The following DYNC1LI1 variants were observed in gnomAD, a reference collection of about 807,000 sequenced individuals.
DYNC1LI1 encodes cytoplasmic dynein 1 light intermediate chain 1.
In DYNC1LI1, 19 loss-of-function variants were observed where a neutral mutation model predicts 63.8. That is an observed-to-expected ratio of 0.30 (90% confidence interval 0.21 to 0.44). DYNC1LI1 has a LOEUF of 0.44. Among genes scored for constraint, DYNC1LI1 ranks in the 20% least tolerant of loss-of-function variants. DYNC1LI1 has a pLI of 1.00. For missense variants in DYNC1LI1, 565 were observed against 630.2 expected, an observed-to-expected ratio of 0.90 and a Z score of 1.11; for synonymous variants, 225 against 232.3, an observed-to-expected ratio of 0.97 and a Z score of 0.28.
chr3:32,557,555 A>T (rs555954920), intron 2 of DYNC1LI1, among the ~76,000 whole-genome samples: 2 of 152,006 alleles, frequency 1.3e-5, no homozygotes, highest in African/African-American at 4.8e-5. Context: ...TAAAATAAAA[A>T]AATAAATAAA....
rs1162881299 is a variant in DYNC1LI1 at position 32,544,867 on chromosome 3, A to C, written c.568+9T>G. 1 of 1,574,230 alleles carries C rather than the reference A, an allele frequency of 6.4e-7. No homozygotes were observed. Among genetic ancestry groups the C allele is most frequent in the Non-Finnish European group, 8.7e-7 (1 of 1,144,568 alleles). ...TTGAAACCTACATTACTGTTTCTAG[A>C]TTACTTACACTTTTGTTCCATTTGT... On this transcript the variant is annotated intron_variant, in intron 4 of 12. Coordinates refer to ENST00000273130, the MANE Select transcript of DYNC1LI1 (RefSeq NM_016141.4).
chr3:32,544,718 G>C (rs576907774), intron 4 of DYNC1LI1, among the ~76,000 whole-genome samples, 158 bp downstream of exon 4: 2 of 151,590 alleles, frequency 1.3e-5, no homozygotes, highest in South Asian at 4.2e-4. Context: ...CTCCAGCCTG[G>C]GTGACAGAAC....
chr3:32,539,499 T>C (rs1461438703), intron 5 of DYNC1LI1, among the ~76,000 whole-genome samples: 1 of 152,014 alleles, frequency 6.6e-6, no homozygotes, highest in Non-Finnish European at 1.5e-5. Flanking sequence ...AACACACACT[T>C]AGGACCAAGT....
chr3:32,527,875 CT>C (rs1387209178), intron 12 of DYNC1LI1, among the ~76,000 whole-genome samples: 1 of 151,414 alleles, frequency 6.6e-6, no homozygotes, highest in Non-Finnish European at 1.5e-5. Context: ...AATCCCAGCA[CT>C]TTGGGAGGCT....
chr3:32,537,963 TATATATATATTTATATATAA>T (rs1697808016), intron 5 of DYNC1LI1, among the ~76,000 whole-genome samples: 1 of 2,758 alleles, frequency 3.6e-4, no homozygotes, highest in African/African-American at 1.4e-3. Context: ...ATATATATAA[TATATATATATTTATATATAA>T]TATATATATA....
In DYNC1LI1 at chr3:32,545,900, C is replaced by T; in HGVS notation, c.286G>A (p.Gly96Arg). 6.2e-7 allele frequency: 1 copy of T among 1,613,206 alleles called. No homozygotes were observed. The highest frequency in any genetic ancestry group is 8.5e-7 in the Non-Finnish European group (1 of 1,179,352). Reference sequence around the variant, plus strand: ...AAGTACAAATATTCCAATCCTCTTCCTTTCTTATACTCCTCTATTCCCTGA... The same window carrying T: ...AAGTACAAATATTCCAATCCTCTTCTTTTCTTATACTCCTCTATTCCCTGA... Reference protein sequence around the residue: ...KIQGIEEYKKGRGLEYLYLNV... With the variant: ...KIQGIEEYKKRRGLEYLYLNV... The change falls in exon 3 of 13, where the codon GGA becomes AGA. Residue 96 changes from glycine to arginine, a missense_variant. By Grantham distance (125) the Gly-to-Arg change is moderately radical. Coordinates refer to ENST00000273130, the MANE Select transcript of DYNC1LI1 (RefSeq NM_016141.4).
At position 32,528,899 on chromosome 3, in the gene DYNC1LI1, A is replaced by G. The variant is rs552546307; in HGVS notation, c.1307-298T>C. Among the ~76,000 whole-genome samples the G allele has an allele frequency of 2.0e-5, 3 of 152,358 alleles. No individual in the cohort carries two copies. In the South Asian group the frequency reaches 6.2e-4, roughly 32 times the overall value. On this transcript the variant is annotated intron_variant, in intron 11 of 12. Coordinates refer to ENST00000273130, the MANE Select transcript of DYNC1LI1 (RefSeq NM_016141.4). ...CTTTTGAAAAGGATTCTTTAAAAAT[A>G]GAACTGTTGAGAAACTGCCTCAAGT...
intron 5 of DYNC1LI1, among the ~76,000 whole-genome samples, chr3:32,540,577 A>G (rs1697866531): frequency 1.3e-5 from 2 of 151,276 alleles, no homozygotes; most frequent in Non-Finnish European, 2.9e-5. Flanking sequence ...GCTACTACGG[A>G]GGCTGAGGCA....
intron 5 of DYNC1LI1, among the ~76,000 whole-genome samples, chr3:32,537,937 A>ATT (rs60796171): frequency 7.2e-5 from 1 of 13,886 alleles, no homozygotes; most frequent in African/African-American, 3.5e-4. Flanking sequence ...ATATATATAT[A>ATT]ATATATATAT....
At chr3:32,551,749 G>C (rs1698045579) in intron 2 of DYNC1LI1, among the ~76,000 whole-genome samples, 3 of 152,156 alleles carry the variant, frequency 2.0e-5, no homozygotes, top group Non-Finnish European at 2.9e-5. Flanking sequence ...AGACTGCCTG[G>C]CTATAACTTC....
intron 2 of DYNC1LI1, among the ~76,000 whole-genome samples, chr3:32,559,012 T>TA (rs1698153613): frequency 6.6e-6 from 1 of 152,032 alleles, no homozygotes; most frequent in Non-Finnish European, 1.5e-5. Context: ...ACCATCTCTA[T>TA]AGTGATGGAT....
chr3:32,544,975 T>C lies in DYNC1LI1; in HGVS notation c.469A>G (p.Thr157Ala). The C allele has an allele frequency of 6.2e-7, 1 of 1,614,096 alleles. No individual in the cohort carries two copies. Among genetic ancestry groups the C allele is most frequent in the Non-Finnish European group, 8.5e-7 (1 of 1,179,976 alleles). ...CATTTCTGTAAAGAATCCAAAGCAG[T>C]CCAAGGCTTTGACATGTCAACAACC... ...MLVVDMSKPW[T>A]ALDSLQKWAS... Residue 157 changes from threonine to alanine, a missense_variant, in exon 4 of 13, where the codon ACT (threonine) becomes GCT (alanine). Physicochemically the swap from Thr to Ala is moderately conservative, Grantham distance 58 (BLOSUM62 0). Coordinates refer to ENST00000273130, the MANE Select transcript of DYNC1LI1 (RefSeq NM_016141.4).
intron 2 of DYNC1LI1, among the ~76,000 whole-genome samples, chr3:32,559,534 C>G (rs546444639): frequency 3.9e-5 from 6 of 152,018 alleles, no homozygotes; most frequent in African/African-American, 1.4e-4. Context: ...CCACCATGCC[C>G]GGCCCAACTC....
At chr3:32,563,618 C>CA (rs1698221622) in intron 2 of DYNC1LI1, among the ~76,000 whole-genome samples, 2 of 152,120 alleles carry the variant, frequency 1.3e-5, no homozygotes, top group Admixed American at 1.3e-4. Flanking sequence ...GACAGAGTCC[C>CA]ACGCTAAATT....
chr3:32,543,259 C>T (rs1040858386), intron 4 of DYNC1LI1, among the ~76,000 whole-genome samples: 2 of 152,036 alleles, frequency 1.3e-5, no homozygotes, highest in African/African-American at 4.8e-5. Context: ...AGCATTTAGA[C>T]ATCTCTTTCA....
intron 7 of DYNC1LI1, among the ~76,000 whole-genome samples, chr3:32,534,126 T>C (rs748777840): frequency 1.3e-5 from 2 of 152,100 alleles, no homozygotes; most frequent in Admixed American, 6.6e-5. Flanking sequence ...TGATCTGCTC[T>C]TGGCCTCCCA....
At chr3:32,567,860 T>G (rs1205540604) in intron 2 of DYNC1LI1, among the ~76,000 whole-genome samples, 3 of 152,076 alleles carry the variant, frequency 2.0e-5, no homozygotes, top group Non-Finnish European at 2.9e-5. Flanking sequence ...TGTGCCACCA[T>G]GCCCAGCTAA....
At chr3:32,541,325 A>T (rs575681849) in intron 4 of DYNC1LI1, 119 bp from the exon 5 acceptor site, 1 of 651,304 alleles carries the variant, frequency 1.5e-6, no homozygotes, top group Admixed American at 3.2e-5. Flanking sequence ...AAGAGAAGAA[A>T]CAAAAAGGGT....
intron 2 of DYNC1LI1, among the ~76,000 whole-genome samples, chr3:32,563,719 C>T (rs995481646): frequency 6.6e-6 from 1 of 152,204 alleles, no homozygotes; most frequent in Non-Finnish European, 1.5e-5. Flanking sequence ...GGATTTCACA[C>T]CAGCTGAATT....
Sources: gnomAD v4.1 joint callset for allele counts (sites outside exome capture counted in the v4.1 genomes callset) on GRCh38, gnomAD v4.1.1 for gene constraint, MANE v1.5 for transcripts, NCBI Gene and HGNC (gene_info 2026-07-23, HGNC 2026-07-21) for gene names.